The following SIM1 variants were observed in gnomAD, a reference collection of about 807,000 sequenced individuals.
The protein encoded by SIM1 is SIM bHLH transcription factor 1.
Under a neutral mutation model 78.2 loss-of-function variants are expected in SIM1, and 18 were observed. That is an observed-to-expected ratio of 0.23 (90% CI 0.16 to 0.34). The LOEUF is 0.34. SIM1 is among the 10% of genes least tolerant of loss of function. The pLI, the probability that SIM1 is intolerant of heterozygous loss-of-function variation, is 1.00. For synonymous variants in SIM1, 417 were observed against 385.2 expected, an observed-to-expected ratio of 1.08 and a Z score of -0.97; for missense variants, 939 against 975.1, an observed-to-expected ratio of 0.96 and a Z score of 0.49.
chr6:100,420,220 G>T (rs982802079), intron 10 of SIM1, among the ~76,000 whole-genome samples: 1 of 152,018 alleles, frequency 6.6e-6, no homozygotes, highest in Non-Finnish European at 1.5e-5. Context: ...AGTGTTTCTG[G>T]AATACTTCTT....
chr6:100,428,721 A>G (rs912219379), intron 9 of SIM1, among the ~76,000 whole-genome samples: 1 of 151,986 alleles, frequency 6.6e-6, no homozygotes, highest in Non-Finnish European at 1.5e-5. Flanking sequence ...GAAATCATGG[A>G]TAGTGCCAAA....
Position 100,447,319 on chromosome 6 carries a change from T to C in SIM1, c.947A>G (p.Asn316Ser). 1 of 1,614,222 alleles carries C rather than the reference T, an allele frequency of 6.2e-7. No homozygotes were observed. Among genetic ancestry groups the C allele is most frequent in the Non-Finnish European group, 8.5e-7 (1 of 1,180,046 alleles). Residue 316 changes from asparagine to serine, a missense_variant, in exon 9 of 12, where the codon AAC becomes AGC. By Grantham distance (46) the Asn-to-Ser change is conservative. This residue lies in a region of SIM1 where 66 missense variants were observed against 108.4 expected (regional missense o/e 0.61). Coordinates refer to ENST00000369208, the MANE Select transcript of SIM1 (RefSeq NM_005068.3). Reference protein sequence around the residue: ...WVQSYATIVHNSRSSRPHCIV... With the variant: ...WVQSYATIVHSSRSSRPHCIV... ...ACAGTGTGGCCTGGAGGAGCGACTG[T>C]TGTGCACGATGGTCGCGTAGCTCTG...
chr6:100,422,687 C>CCA (rs143750352), intron 9 of SIM1, among the ~76,000 whole-genome samples: 1,531 of 150,598 alleles, frequency 0.01, 7 homozygotes, highest in African/African-American at 0.016. Flanking sequence ...AGTATTTTCA[C>CCA]CACACACACA....
chr6:100,463,964 G>A (rs1213548536), intron 1 of SIM1, 29 bp from the exon 2 acceptor site: 2 of 152,564 alleles, frequency 1.3e-5, no homozygotes, highest in Non-Finnish European at 2.9e-5. Flanking sequence ...CAGAGCATAA[G>A]AGATCAGCGG....
In SIM1 at chr6:100,448,320, C is replaced by A. The variant is rs3213540; in HGVS notation, c.744-68G>T. The A allele has an allele frequency of 3.2e-3, 4,487 of 1,404,732 alleles. 240 individuals carry two copies. The East Asian group carries it at 0.1, about 31-fold the overall frequency. The allele number at this position is 1,404,732 out of a possible 1,614,324, so 87.0% of individuals were successfully genotyped here. ...CAGGGATGCCCTCCCCACACACCCTCGACAGCCGTCTGACACCTAGCTGTC... is the reference window on the plus strand; with the variant it reads ...CAGGGATGCCCTCCCCACACACCCTAGACAGCCGTCTGACACCTAGCTGTC... On this transcript the variant is annotated intron_variant, in intron 7 of 11. Transcript: ENST00000369208.
chr6:100,397,966 T>C (rs1770808943), intron 10 of SIM1, among the ~76,000 whole-genome samples: 1 of 152,064 alleles, frequency 6.6e-6, no homozygotes, highest in African/African-American at 2.4e-5. Context: ...CAATGAAATA[T>C]CACGATACAC....
At chr6:100,411,763 G>T (rs1353882894) in intron 10 of SIM1, among the ~76,000 whole-genome samples, 1 of 152,090 alleles carries the variant, frequency 6.6e-6, no homozygotes, top group African/African-American at 2.4e-5. Context: ...GGCAGTAGAA[G>T]GCAGATTATT....
intron 10 of SIM1, among the ~76,000 whole-genome samples, chr6:100,401,907 T>C (rs1562234977): frequency 6.6e-6 from 1 of 152,220 alleles, no homozygotes; most frequent in Non-Finnish European, 1.5e-5. Context: ...TATGAAAATA[T>C]AAAGTTATCA....
chr6:100,410,266 C>T (rs967824167), intron 10 of SIM1, among the ~76,000 whole-genome samples: 3 of 152,100 alleles, frequency 2.0e-5, no homozygotes, highest in Non-Finnish European at 4.4e-5. Flanking sequence ...TCCCTAGATA[C>T]GTTTTGATAG....
chr6:100,444,512 C>G (rs1772304919), intron 9 of SIM1, among the ~76,000 whole-genome samples: 1 of 152,030 alleles, frequency 6.6e-6, no homozygotes, highest in African/African-American at 2.4e-5. Flanking sequence ...TTCACTGAAC[C>G]TCGGAGACCC....
At chr6:100,444,008 G>GA (rs912078002) in intron 9 of SIM1, among the ~76,000 whole-genome samples, 1 of 151,968 alleles carries the variant, frequency 6.6e-6, no homozygotes, top group African/African-American at 2.4e-5. Flanking sequence ...AAAAGTGGCA[G>GA]AATATTTCTT....
In SIM1 at chr6:100,459,229, G is replaced by T. The variant is rs367767785; in HGVS notation, c.175+4065C>A. ...ATAATACCTGTTTTTGTTGTTGTTT[G>T]TTGTTTTTATTAGTGATCCCTCCCA... On this transcript the variant is annotated intron_variant, in intron 2 of 11. Transcript: ENST00000369208. Among the ~76,000 whole-genome samples, 79 of 152,260 alleles carry T rather than the reference G, an allele frequency of 5.2e-4. No individual in the cohort carries two copies. The East Asian group carries it at 0.01, about 20-fold the overall frequency.
At chr6:100,427,928 A>G (rs1188942900) in intron 9 of SIM1, among the ~76,000 whole-genome samples, 1 of 152,210 alleles carries the variant, frequency 6.6e-6, no homozygotes, top group East Asian at 1.9e-4. Context: ...CATAGAACAG[A>G]TGCTCACTTG....
At chr6:100,413,986 C>A (rs1293959187) in intron 10 of SIM1, among the ~76,000 whole-genome samples, 2 of 152,216 alleles carry the variant, frequency 1.3e-5, no homozygotes, top group Non-Finnish European at 2.9e-5. Flanking sequence ...TCATAGCAGA[C>A]TTCACTATAA....
chr6:100,432,785 C>T lies in SIM1; in HGVS notation c.999-11827G>A, dbSNP rs530799859. Among the ~76,000 whole-genome samples, 68 of 152,266 alleles carry T rather than the reference C, an allele frequency of 4.5e-4. 1 individual carries two copies. The highest frequency in any genetic ancestry group is 1.6e-3 in the African/African-American group (66 of 41,556). Reference sequence around the variant, plus strand: ...TACCCCCAGTATCTAGGCCAGTCCTCCCAACTCCACAGCACCCCAGATTCA... The same window carrying T: ...TACCCCCAGTATCTAGGCCAGTCCTTCCAACTCCACAGCACCCCAGATTCA... On this transcript the variant is annotated intron_variant, in intron 9 of 11. Coordinates refer to ENST00000369208, the MANE Select transcript of SIM1 (RefSeq NM_005068.3).
chr6:100,453,281 T>C (rs1409871306), intron 3 of SIM1, among the ~76,000 whole-genome samples: 1 of 152,224 alleles, frequency 6.6e-6, no homozygotes, highest in Non-Finnish European at 1.5e-5. Flanking sequence ...GCCTGGGCAC[T>C]ACAGGGACAC....
rs1046889935 is a variant in SIM1 at position 100,393,714 on chromosome 6, C to A, written c.1343G>T (p.Gly448Val). Reference sequence around the variant, plus strand: ...CAGCCTCGAGTGGTCAAGCGCAAAGCCATAGCAGAGAGAGCTGCGGTCCGA... The same window carrying A: ...CAGCCTCGAGTGGTCAAGCGCAAAGACATAGCAGAGAGAGCTGCGGTCCGA... ...QFSDRSSLCY[G>V]FALDHSRLVE... is the part of the protein sequence containing the mutation. Residue 448 changes from glycine to valine, a missense_variant, in exon 11 of 12, where the codon GGC becomes GTC. Gly to Val is a moderately radical substitution (Grantham distance 109, BLOSUM62 -3). Coordinates refer to ENST00000369208, the MANE Select transcript of SIM1 (RefSeq NM_005068.3). 1 of 1,614,082 alleles carries A rather than the reference C, an allele frequency of 6.2e-7. No individual in the cohort carries two copies.
intron 3 of SIM1, among the ~76,000 whole-genome samples, chr6:100,450,700 A>T (rs964695796): frequency 0.027 from 1,832 of 66,810 alleles, 15 homozygotes; most frequent in African/African-American, 0.089. Flanking sequence ...TCTCTCTCAC[A>T]CACACACACA....
intron 11 of SIM1, 83 bp downstream of exon 11, chr6:100,393,404 G>T: frequency 8.7e-7 from 1 of 1,155,736 alleles, no homozygotes; most frequent in Non-Finnish European, 1.2e-6. Flanking sequence ...TAACTATTTG[G>T]TCATTCACTC....
Sources: allele counts gnomAD v4.1 joint callset (sites outside exome capture counted in the v4.1 genomes callset), GRCh38; gene constraint gnomAD v4.1.1; regional missense constraint gnomAD v4.1.1; transcripts MANE v1.5; gene names NCBI Gene and HGNC (gene_info 2026-07-23, HGNC 2026-07-21).